The following MED16 variants were observed in gnomAD, a reference collection of about 807,000 sequenced individuals.
The protein encoded by MED16 is mediator complex subunit 16.
Under a neutral mutation model 84.4 loss-of-function variants are expected in MED16, and 81 were observed. That is an observed-to-expected ratio of 0.96 (90% confidence interval 0.80 to 1.15). MED16 has a LOEUF of 1.15. MED16 is among the 50% of genes most tolerant of loss of function. The probability of loss-of-function intolerance (pLI) is 0.00; values close to 1 mark genes in which losing one functional copy is unlikely to be tolerated. For missense variants in MED16, 1,585 were observed against 1,245.9 expected (o/e 1.27, Z -4.10); for synonymous variants, 897 against 552.2 (o/e 1.62, Z -8.76).
rs1246410731 is a variant in MED16 at position 889,693 on chromosome 19, A to G, written c.392T>C (p.Ile131Thr). The stretch of plus-strand genomic sequence containing the variant: ...ATTGTGCAGCCAGGACAGGGCCACA[A>G]TGGGGTCCCCCTCCACTAGGCTGCC... ...SVGSLVEGDP[I>T]VALSWLHNGV... Residue 131 changes from isoleucine (I) to threonine (T), a missense_variant, in exon 4 of 16, where the codon ATT becomes ACT. Coordinates refer to ENST00000325464, the MANE Select transcript of MED16 (RefSeq NM_005481.3). 10 of 1,613,778 alleles carry G rather than the reference A, an allele frequency of 6.2e-6. No homozygotes were observed. The highest frequency in any genetic ancestry group is 7.6e-6 in the Non-Finnish European group (9 of 1,179,990).
chr19:870,699 C>T (rs909156184), intron 13 of MED16, among the ~76,000 whole-genome samples: 2 of 151,370 alleles, frequency 1.3e-5, no homozygotes, highest in African/African-American at 4.9e-5. Context: ...CAGTCATGGC[C>T]ATGACTGGAG....
Position 886,096 on chromosome 19 carries a change from T to C in MED16, c.553A>G (p.Ser185Gly). Residue 185 changes from serine to glycine, a missense_variant, in exon 5 of 16, where the codon AGC becomes GGC. By Grantham distance (56) the Ser-to-Gly change is moderately conservative (BLOSUM62 0). Coordinates refer to ENST00000325464, the MANE Select transcript of MED16 (RefSeq NM_005481.3). ...AGCAGGGACACGGTGACCAGGCCGC[T>C]GACCGTCACCGCGATCCAGCCCTCC... ...PMEGWIAVTV[S>G]GLVTVSLLKP... 1 of 1,591,072 alleles carries C rather than the reference T, an allele frequency of 6.3e-7. No homozygotes were observed. The highest frequency in any genetic ancestry group is 8.5e-7 in the Non-Finnish European group (1 of 1,172,202).
chr19:873,318 TC>T, intron 11 of MED16, 130 bp downstream of exon 11: 1 of 668,766 alleles, frequency 1.5e-6, no homozygotes, highest in Non-Finnish European at 2.3e-6. Context: ...GGGGCGGGAC[TC>T]CAAGTAGGGG....
At chr19:881,333 G>C (rs750648834) in intron 7 of MED16, among the ~76,000 whole-genome samples, 19 of 152,198 alleles carry the variant, frequency 1.2e-4, no homozygotes, top group Non-Finnish European at 2.4e-4. Context: ...ACATATTAAA[G>C]AACACTGGAT....
Position 875,404 on chromosome 19 carries a change from C to A in MED16, c.1611G>T (p.Ser537=). 1 of 1,607,354 alleles carries A rather than the reference C, an allele frequency of 6.2e-7. No individual in the cohort carries two copies. Among genetic ancestry groups the A allele is most frequent in the Non-Finnish European group, 8.5e-7 (1 of 1,179,696 alleles). The part of the protein sequence containing the change: ...LAMKASLCKL[S]PCTVTRVCDY... ...CGCACACGCGGGTCACCGTGCAGGGCGACAGCTTGCAGAGCGAGGCCTTCA... is the reference window on the plus strand; with the variant it reads ...CGCACACGCGGGTCACCGTGCAGGGAGACAGCTTGCAGAGCGAGGCCTTCA... The change falls in exon 10 of 16, where the codon TCG becomes TCT. Residue 537 remains serine, a synonymous_variant. Transcript: ENST00000325464.
chr19:888,790 T>C (rs574182895), intron 4 of MED16, among the ~76,000 whole-genome samples: 35 of 152,242 alleles, frequency 2.3e-4, no homozygotes, highest in East Asian at 9.7e-4. Context: ...GCGCCGACAA[T>C]GGCAGTCCCT....
In MED16 at chr19:867,992, C is replaced by T; in HGVS notation, c.*109G>A. 1 of 1,410,346 alleles carries T rather than the reference C, an allele frequency of 7.1e-7. No individual in the cohort carries two copies. Among genetic ancestry groups the T allele is most frequent in the Non-Finnish European group, 9.4e-7 (1 of 1,059,662 alleles). The allele number at this position is 1,410,346 out of a possible 1,614,324, so 87.4% of individuals were successfully genotyped here. A position where few individuals can be genotyped will look rare whatever the true frequency, so the allele number is the denominator to read the frequency against. On this transcript the variant is annotated 3_prime_UTR_variant, in exon 16 of 16. Coordinates refer to ENST00000325464, the MANE Select transcript of MED16 (RefSeq NM_005481.3). Reference sequence around the variant, plus strand: ...CGCAGAGGGCGTTTATTGGACCTGTCCTTCCCAGCCGCTGCTTGTCCAGGT... The same window carrying T: ...CGCAGAGGGCGTTTATTGGACCTGTTCTTCCCAGCCGCTGCTTGTCCAGGT...
chr19:875,493 C>G (rs926450714), intron 9 of MED16, 39 bp from the exon 10 acceptor site: 2 of 1,517,680 alleles, frequency 1.3e-6, no homozygotes, highest in Non-Finnish European at 1.8e-6. Context: ...GGGGCCGGAG[C>G]AGAGGCGCCC....
At chr19:885,608 G>A (rs944171098) in intron 5 of MED16, among the ~76,000 whole-genome samples, 162 bp downstream of exon 5, 6 of 152,292 alleles carry the variant, frequency 3.9e-5, no homozygotes, top group African/African-American at 1.4e-4. Context: ...TGCTGGGAAA[G>A]GCAGAAAATG....
At chr19:878,017 C>A (rs1439146540) in intron 8 of MED16, among the ~76,000 whole-genome samples, 1 of 84,048 alleles carries the variant, frequency 1.2e-5, no homozygotes, top group Non-Finnish European at 2.3e-5. Flanking sequence ...TTGTCAACGC[C>A]CACCAGCCCC....
intron 6 of MED16, among the ~76,000 whole-genome samples, chr19:883,026 G>A (rs554395013): frequency 6.1e-4 from 93 of 152,294 alleles, no homozygotes; most frequent in Non-Finnish European, 9.9e-4. Context: ...ACGCCCCAGC[G>A]CCGGGGGAGG....
chr19:876,898 C>A lies in MED16; in HGVS notation c.1560+76G>T, dbSNP rs2036249588. On this transcript the variant is annotated intron_variant, in intron 9 of 15. Coordinates refer to ENST00000325464, the MANE Select transcript of MED16 (RefSeq NM_005481.3). ...CACGGGGCCCCCACCTGCCACGGGG[C>A]CCCACCTGCCACGGGGCCCCCACCT... 6 of 1,393,906 alleles carry A rather than the reference C, an allele frequency of 4.3e-6. No homozygotes were observed. The South Asian group carries it at 8.4e-5, about 19-fold the overall frequency. 86.3% of individuals were successfully genotyped at this position (1,393,906 alleles called of 1,614,324 possible). A position where few individuals can be genotyped will look rare whatever the true frequency, so the allele number is the denominator to read the frequency against.
chr19:870,355 G>A (rs1174788412), intron 13 of MED16, among the ~76,000 whole-genome samples: 3 of 152,160 alleles, frequency 2.0e-5, no homozygotes, highest in Non-Finnish European at 2.9e-5. Flanking sequence ...GAGGTCAGGA[G>A]TTCAAGACCA....
At chr19:880,855 G>A (rs1385989065) in intron 7 of MED16, among the ~76,000 whole-genome samples, 1 of 150,850 alleles carries the variant, frequency 6.6e-6, no homozygotes, top group Non-Finnish European at 1.5e-5. Context: ...AACCCAGGAG[G>A]CGGAGGTTGC....
At chr19:885,092 G>A in intron 5 of MED16, 84 bp from the exon 6 acceptor site, 1 of 1,066,832 alleles carries the variant, frequency 9.4e-7, no homozygotes. Flanking sequence ...CGGGACCCTG[G>A]GGCCACGCAC....
rs187429485 is a variant in MED16, at chr19:877,205, A to G, written c.1354-25T>C. 3.0e-3 allele frequency: 4,849 copies of G among 1,589,982 alleles called. 19 individuals are homozygous for G. The highest frequency in any genetic ancestry group is 3.8e-3 in the Non-Finnish European group (4,461 of 1,171,076). ...GCTGCCAGAGACAGAGCCCAAGGAG[A>G]GCCCGGTGAGATGGGGCTGCGCCCT... On this transcript the variant is annotated intron_variant, in intron 8 of 15. Coordinates refer to ENST00000325464, the MANE Select transcript of MED16 (RefSeq NM_005481.3).
chr19:873,297 GACTCCAA>G lies in MED16; in HGVS notation c.1905+145_1905+151del. On this transcript the variant is annotated intron_variant, in intron 11 of 15. Coordinates refer to ENST00000325464, the MANE Select transcript of MED16 (RefSeq NM_005481.3). The stretch of plus-strand genomic sequence containing the variant: ...GAGGTGGGACTCCAAGCAGGGGCGG[GACTCCAA>G]GTAGGGGCGGGACTCCAAGTAGGGG... 3 of 596,350 alleles carry G rather than the reference GACTCCAA, an allele frequency of 5.0e-6. No individual in the cohort carries two copies. In the South Asian group the frequency reaches 6.1e-5, roughly 12 times the overall value. 36.9% of individuals were successfully genotyped at this position (596,350 alleles called of 1,614,324 possible).
At chr19:886,758 T>C (rs897907343) in intron 4 of MED16, among the ~76,000 whole-genome samples, 1 of 152,224 alleles carries the variant, frequency 6.6e-6, no homozygotes, top group Non-Finnish European at 1.5e-5. Flanking sequence ...ACATCCACCC[T>C]TCTTTCAACG....
At chr19:889,460 G>A (rs560403318) in intron 4 of MED16, among the ~76,000 whole-genome samples, 178 bp downstream of exon 4, 3 of 152,268 alleles carry the variant, frequency 2.0e-5, no homozygotes, top group Admixed American at 6.5e-5. Context: ...GCCACCCTCA[G>A]TTAAATGAGA....
Sources: gnomAD v4.1 joint callset for allele counts (sites outside exome capture counted in the v4.1 genomes callset) on GRCh38, gnomAD v4.1.1 for gene constraint, MANE v1.5 for transcripts, NCBI Gene and HGNC (gene_info 2026-07-23, HGNC 2026-07-21) for gene names.